GALK2: variants seen among roughly 807,000 people sequenced by gnomAD.
GALK2 encodes the protein N-acetylgalactosamine kinase.
Under a neutral mutation model 52.4 loss-of-function variants are expected in GALK2, and 36 were observed. That is an observed-to-expected ratio of 0.69 (90% confidence interval 0.53 to 0.91). The LOEUF (loss-of-function observed/expected upper bound fraction) is 0.91, where lower values mean the gene tolerates loss of function less well. GALK2 is among the 40% of genes least tolerant of loss of function. GALK2 has a pLI of 0.00. For missense variants in GALK2, 579 were observed against 559.1 expected (o/e 1.04, Z -0.36); for synonymous variants, 176 against 199.1 (o/e 0.88, Z 0.98).
chr15:49,236,796 C>T (rs992448735), intron 4 of GALK2, among the ~76,000 whole-genome samples: 4 of 152,206 alleles, frequency 2.6e-5, no homozygotes, highest in Non-Finnish European at 2.9e-5. Context: ...TCCTTACTGC[C>T]TGGCAGTCCT....
intron 1 of GALK2, among the ~76,000 whole-genome samples, chr15:49,172,244 G>C (rs2085153183): frequency 6.6e-6 from 1 of 152,144 alleles, no homozygotes; most frequent in Non-Finnish European, 1.5e-5. Context: ...ATTGTTTACT[G>C]AATTTCCTTA....
Position 49,235,836 on chromosome 15 carries a change from CT to C in GALK2, c.267-11del. On this transcript the variant is annotated splice_polypyrimidine_tract_variant and intron_variant, in intron 3 of 9. Coordinates refer to ENST00000560031, the MANE Select transcript of GALK2 (RefSeq NM_002044.4). Reference sequence around the variant, plus strand: ...CCTACAGATTTTAAATTAATGGTGTCTTTTGTCTTCGCAGGGACTTCAGTAC... The same window carrying C: ...CCTACAGATTTTAAATTAATGGTGTCTTTGTCTTCGCAGGGACTTCAGTAC... 6.3e-7 allele frequency: 1 copy of C among 1,582,834 alleles called. No homozygotes were observed. Among genetic ancestry groups the C allele is most frequent in the Non-Finnish European group, 8.7e-7 (1 of 1,153,266 alleles).
intron 8 of GALK2, among the ~76,000 whole-genome samples, chr15:49,310,724 T>A (rs1018556845): frequency 2.0e-5 from 3 of 152,186 alleles, no homozygotes; most frequent in Non-Finnish European, 4.4e-5. Context: ...GCCTATTTTT[T>A]AATTGGATTT....
At chr15:49,354,888 G>C (rs2042860846) in intron 3 of GALK2, among the ~76,000 whole-genome samples, 1 of 152,094 alleles carries the variant, frequency 6.6e-6, no homozygotes, top group Non-Finnish European at 1.5e-5. Flanking sequence ...TGCAGCTGGA[G>C]ATCTGAGAAC....
At chr15:49,296,997 G>A (rs1003044627) in intron 8 of GALK2, among the ~76,000 whole-genome samples, 2 of 152,202 alleles carry the variant, frequency 1.3e-5, no homozygotes, top group Admixed American at 1.3e-4. Flanking sequence ...AGTTCTTTGA[G>A]AAATCTCCAA....
intron 5 of GALK2, among the ~76,000 whole-genome samples, chr15:49,241,323 A>G (rs1173873234): frequency 6.6e-6 from 1 of 152,178 alleles, no homozygotes; most frequent in Non-Finnish European, 1.5e-5. Context: ...AGGTGGAAAG[A>G]TAAGGAAAAC....
In GALK2 at chr15:49,290,428, T is replaced by C. The variant is rs1213485631; in HGVS notation, c.757-1899T>C. Among the ~76,000 whole-genome samples, 8 of 152,224 alleles carry C rather than the reference T, an allele frequency of 5.3e-5. No homozygotes were observed. The East Asian group carries it at 1.3e-3, about 26-fold the overall frequency. ...GTGTCACAGTAAAGTGGGATATTGC[T>C]GGAGTGAATGTGAACTCTATGTTAG... On this transcript the variant is annotated intron_variant, in intron 7 of 9. Transcript: ENST00000560031.
chr15:49,232,456 C>A (rs1038246960), intron 3 of GALK2, among the ~76,000 whole-genome samples: 2 of 152,180 alleles, frequency 1.3e-5, no homozygotes, highest in Non-Finnish European at 2.9e-5. Flanking sequence ...AAAGTCTTTT[C>A]CCCTTTGTCT....
At chr15:49,290,425 T>C (rs1323450945) in intron 7 of GALK2, among the ~76,000 whole-genome samples, 2 of 152,202 alleles carry the variant, frequency 1.3e-5, no homozygotes, top group African/African-American at 4.8e-5. Context: ...AGTGGGATAT[T>C]GCTGGAGTGA....
At chr15:49,164,279 C>T (rs867609973) in intron 1 of GALK2, among the ~76,000 whole-genome samples, 2 of 151,442 alleles carry the variant, frequency 1.3e-5, no homozygotes, top group Non-Finnish European at 1.5e-5. Flanking sequence ...TATTTTGAGC[C>T]GAAGCCAATT....
At chr15:49,303,903 A>G (rs1481261023) in intron 8 of GALK2, among the ~76,000 whole-genome samples, 2 of 152,254 alleles carry the variant, frequency 1.3e-5, no homozygotes, top group Non-Finnish European at 2.9e-5. Context: ...TATGTATTTA[A>G]GTCTAAGGAA....
upstream of GALK2, among the ~76,000 whole-genome samples, chr15:49,167,999 G>C (rs2084877504): frequency 6.6e-6 from 1 of 151,908 alleles, no homozygotes; most frequent in Admixed American, 6.6e-5. Flanking sequence ...CAGTTTACTG[G>C]GGTCTCAACA....
intron 3 of GALK2, chr15:49,226,693 T>G (rs1434114360): frequency 6.6e-6 from 1 of 152,246 alleles, no homozygotes; most frequent in Non-Finnish European, 1.5e-5. Context: ...TTTGAACTCT[T>G]TCTTTCTAGA....
intron 1 of GALK2, among the ~76,000 whole-genome samples, chr15:49,172,155 T>C (rs2085146355): frequency 6.6e-6 from 1 of 152,212 alleles, no homozygotes; most frequent in South Asian, 2.1e-4. Flanking sequence ...ATAATAAAGA[T>C]CAACATTTCT....
chr15:49,198,595 A>G (rs1026808157), intron 1 of GALK2, among the ~76,000 whole-genome samples: 1 of 152,154 alleles, frequency 6.6e-6, no homozygotes, highest in Non-Finnish European at 1.5e-5. Context: ...TGCCTGTACT[A>G]TAACTTAAAA....
At chr15:49,159,233 CA>C (rs1239921798) in intron 1 of GALK2, among the ~76,000 whole-genome samples, 9 of 152,112 alleles carry the variant, frequency 5.9e-5, no homozygotes, top group Admixed American at 6.6e-5. Context: ...GCAGAAATAA[CA>C]CTATTTTAAG....
intron 3 of GALK2, among the ~76,000 whole-genome samples, chr15:49,234,991 T>G (rs1052327418): frequency 1.3e-5 from 2 of 152,152 alleles, no homozygotes; most frequent in African/African-American, 4.8e-5. Context: ...TGTCTCGAAC[T>G]CCTGAACTTG....
At chr15:49,285,442 C>T (rs1478562712) in intron 7 of GALK2, among the ~76,000 whole-genome samples, 1 of 152,002 alleles carries the variant, frequency 6.6e-6, no homozygotes, top group Non-Finnish European at 1.5e-5. Flanking sequence ...TGGTGTTCTT[C>T]AAGGCCTTGG....
At position 49,162,075 on chromosome 15, in the gene GALK2, G is replaced by A. The variant is rs536410701; in HGVS notation, c.20+6059G>A. 5.3e-5 allele frequency among the ~76,000 whole-genome samples: 8 copies of A among 152,214 alleles called. No homozygotes were observed. In the South Asian group the frequency reaches 6.2e-4, roughly 12 times the overall value. ...ATGTATACACCTGTGAAACTATCACGACACAAGATAATGAACATATTATCA... is the reference window on the plus strand; with the variant it reads ...ATGTATACACCTGTGAAACTATCACAACACAAGATAATGAACATATTATCA... On this transcript the variant is annotated intron_variant, in intron 1 of 9. Coordinates refer to the GALK2 transcript ENST00000327171.
Sources: gnomAD v4.1 joint callset for allele counts (sites outside exome capture counted in the v4.1 genomes callset) on GRCh38, gnomAD v4.1.1 for gene constraint, MANE v1.5 for transcripts, NCBI Gene and HGNC (gene_info 2026-07-23, HGNC 2026-07-21) for gene names.